ATF6: variants seen among roughly 807,000 people sequenced by gnomAD.
ATF6 encodes activating transcription factor 6.
A neutral mutation model predicts 83.6 loss-of-function variants in ATF6; 53 were observed. That is an observed-to-expected ratio of 0.63 (90% CI 0.51 to 0.80). The LOEUF (loss-of-function observed/expected upper bound fraction) is 0.80, where lower values mean the gene tolerates loss of function less well. Ranked by LOEUF, ATF6 falls within the 30% of genes least tolerant of loss-of-function variation. ATF6 has a pLI of 0.00. For synonymous variants in ATF6, 288 were observed against 285.8 expected, an observed-to-expected ratio of 1.01 and a Z score of -0.08; for missense variants, 744 against 797.9, an observed-to-expected ratio of 0.93 and a Z score of 0.81.
At chr1:161,838,064 G>T (rs1250447443) in intron 9 of ATF6, among the ~76,000 whole-genome samples, 1 of 152,190 alleles carries the variant, frequency 6.6e-6, no homozygotes, top group East Asian at 1.9e-4. Context: ...TACAGTTAGA[G>T]GAGTTAGGAC....
At chr1:161,881,436 A>G (rs147102076) in intron 14 of ATF6, among the ~76,000 whole-genome samples, 339 of 152,252 alleles carry the variant, frequency 2.2e-3, no homozygotes, top group African/African-American at 7.8e-3. Context: ...GCCTCTTGAT[A>G]TGGCAGCTCA....
intron 15 of ATF6, among the ~76,000 whole-genome samples, chr1:161,957,296 G>A (rs1376226546): frequency 6.6e-6 from 1 of 152,148 alleles, no homozygotes; most frequent in Non-Finnish European, 1.5e-5. Flanking sequence ...TAGAAAGGCA[G>A]TACAGAACTA....
At chr1:161,921,716 A>T (rs1688216188) in intron 15 of ATF6, among the ~76,000 whole-genome samples, 1 of 152,188 alleles carries the variant, frequency 6.6e-6, no homozygotes. Flanking sequence ...CTCTTGTAAC[A>T]GATTGGTGTG....
intron 7 of ATF6, among the ~76,000 whole-genome samples, chr1:161,808,744 TG>T (rs1177859676): frequency 1.3e-5 from 2 of 151,778 alleles, no homozygotes; most frequent in African/African-American, 4.8e-5. Flanking sequence ...TTTTTTTTTT[TG>T]TTTTTGTAGA....
intron 14 of ATF6, among the ~76,000 whole-genome samples, chr1:161,904,478 C>T (rs778214765): frequency 7.9e-5 from 12 of 152,086 alleles, no homozygotes; most frequent in Non-Finnish European, 1.6e-4. Flanking sequence ...ATCCTAGCTA[C>T]TCAGGAGGCT....
intron 7 of ATF6, among the ~76,000 whole-genome samples, chr1:161,807,862 CAT>C (rs1685332602): frequency 3.3e-5 from 2 of 60,274 alleles, no homozygotes; most frequent in African/African-American, 7.8e-5. Flanking sequence ...TTTAGTTTGT[CAT>C]CTTTTTTTTT....
intron 6 of ATF6, among the ~76,000 whole-genome samples, chr1:161,797,009 G>A (rs1024486762): frequency 1.3e-5 from 2 of 151,336 alleles, no homozygotes; most frequent in African/African-American, 4.9e-5. Context: ...CCTAACACTT[G>A]GTCATATGCT....
chr1:161,791,713 T>C (rs1684885505), intron 5 of ATF6, among the ~76,000 whole-genome samples, 176 bp downstream of exon 5: 1 of 152,204 alleles, frequency 6.6e-6, no homozygotes, highest in Admixed American at 6.5e-5. Context: ...AGGGGAGAAA[T>C]AATCTTTGGT....
chr1:161,849,796 A>C (rs1686571173), intron 10 of ATF6, among the ~76,000 whole-genome samples: 1 of 152,188 alleles, frequency 6.6e-6, no homozygotes. Flanking sequence ...CTCCAGAGTC[A>C]CATATCCAAT....
intron 15 of ATF6, among the ~76,000 whole-genome samples, chr1:161,945,746 A>G (rs1316888147): frequency 6.6e-6 from 1 of 152,170 alleles, no homozygotes; most frequent in Admixed American, 6.5e-5. Context: ...TATTTTACCT[A>G]CCAACTTGAT....
At chr1:161,811,465 G>A (rs902763277) in intron 7 of ATF6, among the ~76,000 whole-genome samples, 16 of 152,110 alleles carry the variant, frequency 1.1e-4, no homozygotes, top group Admixed American at 3.9e-4. Flanking sequence ...TATACACTGC[G>A]GTTGTGTGTG....
chr1:161,767,686 C>T lies in ATF6; in HGVS notation c.82+1244C>T, dbSNP rs372154160. ...GAAGGATCAGACCAGGTTTTTCTAC[C>T]TCCAAAGTCTGTACCCCTAGCATCT... On this transcript the variant is annotated intron_variant, in intron 1 of 15. Transcript: ENST00000367942. 4.7e-4 allele frequency among the ~76,000 whole-genome samples: 71 copies of T among 152,300 alleles called. 1 individual carries two copies. The South Asian group carries it at 4.8e-3, about 10-fold the overall frequency.
intron 14 of ATF6, among the ~76,000 whole-genome samples, chr1:161,890,636 G>T (rs7545293): frequency 6.6e-6 from 1 of 152,294 alleles, no homozygotes; most frequent in East Asian, 1.9e-4. Flanking sequence ...AGATCCGGCT[G>T]GTTCTCTGCT....
chr1:161,870,288 A>C (rs532730392), intron 14 of ATF6, among the ~76,000 whole-genome samples: 173 of 151,988 alleles, frequency 1.1e-3, no homozygotes, highest in African/African-American at 4.0e-3. Context: ...ATAATGCTGG[A>C]GAATAACTTA....
At position 161,912,397 on chromosome 1, in the gene ATF6, A is replaced by G. The variant is rs938492314; in HGVS notation, c.1804+17A>G. 58 of 1,538,168 alleles carry G rather than the reference A, an allele frequency of 3.8e-5. No individual in the cohort carries two copies. The highest frequency in any genetic ancestry group is 5.2e-5 in the Non-Finnish European group (58 of 1,118,956). On this transcript the variant is annotated intron_variant, in intron 15 of 15. Transcript: ENST00000367942. ...ACATAAATGGTAAGTTGAAATTCTG[A>G]TGTATGAACAATATGAGATTTCTTT...
chr1:161,816,473 C>G (rs1285460743), intron 7 of ATF6, among the ~76,000 whole-genome samples: 1 of 152,192 alleles, frequency 6.6e-6, no homozygotes. Context: ...GCAAGCCTCT[C>G]TATTTGGTAT....
intron 15 of ATF6, among the ~76,000 whole-genome samples, chr1:161,954,041 G>C (rs941402958): frequency 6.6e-5 from 10 of 152,182 alleles, no homozygotes; most frequent in African/African-American, 2.4e-4. Context: ...GGGCAGAAAA[G>C]AGCAGGAAAG....
At chr1:161,793,334 C>CA (rs1057350938) in intron 6 of ATF6, among the ~76,000 whole-genome samples, 5 of 152,126 alleles carry the variant, frequency 3.3e-5, no homozygotes, top group African/African-American at 4.8e-5. Context: ...AATAAACAGA[C>CA]AAACAAACAA....
At chr1:161,816,041 A>G (rs1685603309) in intron 7 of ATF6, among the ~76,000 whole-genome samples, 1 of 152,252 alleles carries the variant, frequency 6.6e-6, no homozygotes, top group Admixed American at 6.5e-5. Flanking sequence ...CATTTGTGAA[A>G]GTTTTCCTTT....
Sources: allele counts gnomAD v4.1 joint callset (sites outside exome capture counted in the v4.1 genomes callset), GRCh38; gene constraint gnomAD v4.1.1; transcripts MANE v1.5; gene names NCBI Gene and HGNC (gene_info 2026-07-23, HGNC 2026-07-21).